WDR59: variants seen among roughly 807,000 people sequenced by gnomAD.
The protein encoded by WDR59 is GATOR2 complex protein WDR59.
WDR59 carries 100 observed loss-of-function variants against 131.2 expected under a neutral mutation model. The ratio of observed to expected loss-of-function variants is 0.76; its 90% CI spans 0.65 to 0.90. The LOEUF (loss-of-function observed/expected upper bound fraction) is 0.90. Ranked by LOEUF, WDR59 falls within the 40% of genes least tolerant of loss-of-function variation. WDR59 has a pLI of 0.00. For synonymous variants in WDR59, 601 were observed against 466.2 expected (o/e 1.29, Z -3.72); for missense variants, 1,203 against 1,262.2 (o/e 0.95, Z 0.71).
intron 25 of WDR59, among the ~76,000 whole-genome samples, chr16:74,882,275 T>C (rs1346826009): frequency 6.6e-6 from 1 of 152,242 alleles, no homozygotes; most frequent in Non-Finnish European, 1.5e-5. Flanking sequence ...TCATTAATCT[T>C]TTCCTGAGAT....
At chr16:74,949,330 C>CAA (rs550013099) in intron 5 of WDR59, among the ~76,000 whole-genome samples, 97 of 42,180 alleles carry the variant, frequency 2.3e-3, no homozygotes, top group Non-Finnish European at 3.7e-3. Context: ...TACCTTGTCT[C>CAA]AAAAAAAAAA....
chr16:74,886,879 T>C (rs1308565650), intron 23 of WDR59, among the ~76,000 whole-genome samples: 1 of 152,122 alleles, frequency 6.6e-6, no homozygotes, highest in Non-Finnish European at 1.5e-5. Context: ...GCCGAGATCA[T>C]GCCATTGCAC....
rs543596141 is a variant in WDR59, at chr16:74,925,471, G to A, written c.652-1468C>T. ...AGGCACAAGAATTGCTTGAACCCGG[G>A]AGGCAGAGGTTGTAGTGAGCCAAGA... On this transcript the variant is annotated intron_variant, in intron 8 of 25. Transcript: ENST00000262144. Among the ~76,000 whole-genome samples the A allele has an allele frequency of 3.2e-4, 49 of 150,872 alleles. 1 individual carries two copies. The highest frequency in any genetic ancestry group is 9.7e-4 in the African/African-American group (40 of 41,108).
chr16:74,884,816 G>A (rs943592978), intron 25 of WDR59, among the ~76,000 whole-genome samples: 4 of 152,160 alleles, frequency 2.6e-5, no homozygotes, highest in Non-Finnish European at 5.9e-5. Context: ...GTCCCTCAGT[G>A]TGGGATGCTC....
At position 74,872,954 on chromosome 16, in the gene WDR59, G is replaced by C. The variant is rs1261509851; in HGVS notation, c.*1255C>G. 4 of 151,676 alleles carry C rather than the reference G, an allele frequency of 2.6e-5. No homozygotes were observed. Among genetic ancestry groups the C allele is most frequent in the Non-Finnish European group, 4.4e-5 (3 of 68,006 alleles). The allele number at this position is 151,676 out of a possible 1,614,324, so 9.4% of individuals were successfully genotyped here. On this transcript the variant is annotated 3_prime_UTR_variant, in exon 26 of 26. Transcript: ENST00000262144. ...GACAGAGTCTCACTCTTGTCACCCAGGCTGGAGTGCAATGGCATAATCTCA... is the reference window on the plus strand; with the variant it reads ...GACAGAGTCTCACTCTTGTCACCCACGCTGGAGTGCAATGGCATAATCTCA...
Position 74,889,872 on chromosome 16 carries a change from A to G in WDR59, c.2083-57T>C. On this transcript the variant is annotated intron_variant, in intron 20 of 25. Coordinates refer to ENST00000262144, the MANE Select transcript of WDR59 (RefSeq NM_030581.4). Reference sequence around the variant, plus strand: ...ACTGGCAAGGACAAGAACCGAAACCATGAAGCAATCCCACCTGTCTTCCAT... The same window carrying G: ...ACTGGCAAGGACAAGAACCGAAACCGTGAAGCAATCCCACCTGTCTTCCAT... 5.9e-6 allele frequency: 8 copies of G among 1,350,110 alleles called. No homozygotes were observed. The South Asian group carries it at 1.0e-4, about 17-fold the overall frequency. 83.6% of individuals were successfully genotyped at this position (1,350,110 alleles called of 1,614,324 possible).
chr16:74,888,338 G>T lies in WDR59; in HGVS notation c.2196-19C>A. ...AGCCAACCTGAGGAAAAGATAAGAG[G>T]AAAGAAAACAAGTCAGGAGGAGGGA... On this transcript the variant is annotated intron_variant, in intron 21 of 25. Transcript: ENST00000262144. The T allele has an allele frequency of 6.2e-7, 1 of 1,607,018 alleles. No homozygotes were observed. The highest frequency in any genetic ancestry group is 8.5e-7 in the Non-Finnish European group (1 of 1,176,600).
rs914602549 is a variant in WDR59, at chr16:74,891,878, C to T, written c.2082+606G>A. On this transcript the variant is annotated intron_variant, in intron 20 of 25. Coordinates refer to ENST00000262144, the MANE Select transcript of WDR59 (RefSeq NM_030581.4). ...GGCGGAGGTTGTGGTGAGCTGAGAT[C>T]GTGCCACTGCACTCTAGCCTGGGCG... is the stretch of plus-strand genomic sequence containing the variant. Among the ~76,000 whole-genome samples, 14 of 152,150 alleles carry T rather than the reference C, an allele frequency of 9.2e-5. 1 individual carries two copies. The highest frequency in any genetic ancestry group is 3.9e-4 in the East Asian group (2 of 5,170).
intron 21 of WDR59, 69 bp downstream of exon 21, chr16:74,889,634 C>G (rs1964942989): frequency 8.1e-7 from 1 of 1,242,058 alleles, no homozygotes; most frequent in Admixed American, 1.9e-5. Flanking sequence ...TAGGTGGTGA[C>G]ATTTCAAGTG....
chr16:74,981,797 A>C (rs1200009677), intron 1 of WDR59, among the ~76,000 whole-genome samples: 1 of 142,074 alleles, frequency 7.0e-6, no homozygotes, highest in African/African-American at 2.6e-5. Context: ...CTGGGATTAC[A>C]GGTGCATGCC....
In WDR59 at chr16:74,942,719, G is replaced by A. The variant is rs748986473; in HGVS notation, c.534+19C>T. On this transcript the variant is annotated intron_variant, in intron 7 of 25. Coordinates refer to ENST00000262144, the MANE Select transcript of WDR59 (RefSeq NM_030581.4). The stretch of plus-strand genomic sequence containing the variant: ...GGAGGGATCAAAGACCAATAAGGGC[G>A]AAAAAAGAGATTACTCACCCTCTTA... 64 of 1,612,372 alleles carry A rather than the reference G, an allele frequency of 4.0e-5. No individual in the cohort carries two copies. The South Asian group carries it at 4.7e-4, about 12-fold the overall frequency.
At chr16:74,971,502 G>C (rs901794689) in intron 1 of WDR59, among the ~76,000 whole-genome samples, 46 of 133,456 alleles carry the variant, frequency 3.4e-4, no homozygotes, top group African/African-American at 1.3e-3. Flanking sequence ...GCGCAATCTC[G>C]GCTCACTGCA....
chr16:74,928,028 C>T (rs1597731919), intron 8 of WDR59, among the ~76,000 whole-genome samples: 1 of 151,114 alleles, frequency 6.6e-6, no homozygotes, highest in South Asian at 2.1e-4. Flanking sequence ...CTGCCTCAGC[C>T]TCCCGAGTAG....
At position 74,921,895 on chromosome 16, in the gene WDR59, C is replaced by A. The variant is rs1372967728; in HGVS notation, c.886+52G>T. ...ACTCCATGGCAACACTGACTGGCAC[C>A]GCTGTCACCAGAGCTCAGAAGGAAA... is the stretch of plus-strand genomic sequence containing the variant. On this transcript the variant is annotated intron_variant, in intron 10 of 25. Transcript: ENST00000262144. 5.1e-6 allele frequency: 8 copies of A among 1,580,824 alleles called. No individual in the cohort carries two copies. In the Admixed American group the frequency reaches 1.3e-4, roughly 25 times the overall value.
intron 17 of WDR59, among the ~76,000 whole-genome samples, chr16:74,905,906 C>T (rs1313320926): frequency 6.6e-6 from 1 of 151,834 alleles, no homozygotes; most frequent in Non-Finnish European, 1.5e-5. Flanking sequence ...ACAGTTCCCC[C>T]AAAATGGGCA....
intron 25 of WDR59, among the ~76,000 whole-genome samples, chr16:74,877,267 T>C (rs998959036): frequency 4.3e-4 from 65 of 152,126 alleles, no homozygotes; most frequent in African/African-American, 1.4e-3. Flanking sequence ...CACACAAAGG[T>C]ATCTTAACAT....
intron 13 of WDR59, among the ~76,000 whole-genome samples, chr16:74,912,741 C>T (rs558273446): frequency 6.6e-6 from 1 of 152,284 alleles, no homozygotes; most frequent in Admixed American, 6.5e-5. Flanking sequence ...TTATCCACAG[C>T]AAGCCAGTGA....
rs531727879 is a variant in WDR59, at chr16:74,938,548, G to A, written c.535-282C>T. ...GTAGGTGCTTTTCACCCCCTTTTTT[G>A]TTTTTTGAGACGAAGTCTTGCTCTG... is the stretch of plus-strand genomic sequence containing the variant. On this transcript the variant is annotated intron_variant, in intron 7 of 25. Coordinates refer to ENST00000262144, the MANE Select transcript of WDR59 (RefSeq NM_030581.4). Among the ~76,000 whole-genome samples, 99 of 151,764 alleles carry A rather than the reference G, an allele frequency of 6.5e-4. 1 individual carries two copies. The highest frequency in any genetic ancestry group is 3.4e-3 in the Middle Eastern group (1 of 294).
At chr16:74,974,708 T>C (rs2034119188) in intron 1 of WDR59, among the ~76,000 whole-genome samples, 1 of 152,176 alleles carries the variant, frequency 6.6e-6, no homozygotes, top group African/African-American at 2.4e-5. Flanking sequence ...GTCTGGAATT[T>C]TGGTACCTGT....
Sources: gnomAD v4.1 joint callset for allele counts (sites outside exome capture counted in the v4.1 genomes callset) on GRCh38, gnomAD v4.1.1 for gene constraint, MANE v1.5 for transcripts, NCBI Gene and HGNC (gene_info 2026-07-23, HGNC 2026-07-21) for gene names.